EVI5: variants seen among roughly 807,000 people sequenced by gnomAD.
The protein encoded by EVI5 is ecotropic viral integration site 5 protein homolog.
Under a neutral mutation model 112.0 loss-of-function variants are expected in EVI5, and 73 were observed. The ratio of observed to expected loss-of-function variants is 0.65; its 90% CI spans 0.54 to 0.79. EVI5 has a LOEUF of 0.79. EVI5 is among the 30% of genes least tolerant of loss of function. EVI5 has a pLI of 0.00. For missense variants in EVI5, 900 were observed against 968.8 expected, an observed-to-expected ratio of 0.93 and a Z score of 0.94; for synonymous variants, 305 against 319.9, an observed-to-expected ratio of 0.95 and a Z score of 0.50.
intron 14 of EVI5, among the ~76,000 whole-genome samples, chr1:92,633,788 C>A (rs879198307): frequency 1.3e-5 from 2 of 152,182 alleles, no homozygotes; most frequent in Non-Finnish European, 2.9e-5. Context: ...ATGGTCTTTA[C>A]AATTTGGCAT....
chr1:92,755,320 A>G (rs1680791003), intron 1 of EVI5, among the ~76,000 whole-genome samples: 1 of 152,152 alleles, frequency 6.6e-6, no homozygotes, highest in African/African-American at 2.4e-5. Flanking sequence ...CTGAAGCAGG[A>G]GAATCACTTG....
rs374419302 is a variant in EVI5, at chr1:92,692,935, T to G, written c.1097+867A>C. Reference sequence around the variant, plus strand: ...AATTAAGTACTGGAAGCTAGAGAAATCACAGCTATTATTTTAATTAATACA... The same window carrying G: ...AATTAAGTACTGGAAGCTAGAGAAAGCACAGCTATTATTTTAATTAATACA... On this transcript the variant is annotated intron_variant, in intron 9 of 19. Transcript: ENST00000684568. Among the ~76,000 whole-genome samples the G allele has an allele frequency of 3.7e-4, 56 of 152,286 alleles. No homozygotes were observed. The South Asian group carries it at 0.011, about 30-fold the overall frequency.
In EVI5 at chr1:92,520,076, C is replaced by A. The variant is rs184864744; in HGVS notation, c.2167-6106G>T. 2.6e-3 allele frequency among the ~76,000 whole-genome samples: 389 copies of A among 152,098 alleles called. 1 individual carries two copies. The highest frequency in any genetic ancestry group is 9.2e-3 in the African/African-American group (380 of 41,510). On this transcript the variant is annotated intron_variant, in intron 19 of 19. Transcript: ENST00000684568. ...AAGGGGGTGATCGCAAATAGGCATG[C>A]AGTTTCTTTTGGGGTGTTCTAAAAG...
At chr1:92,642,230 GTGTAAC>G (rs1413124050) in intron 13 of EVI5, among the ~76,000 whole-genome samples, 1 of 152,120 alleles carries the variant, frequency 6.6e-6, no homozygotes, top group Non-Finnish European at 1.5e-5. Context: ...CTGGTTATTT[GTGTAAC>G]TGTAAGATTT....
At chr1:92,667,805 G>A (rs932032371) in intron 10 of EVI5, among the ~76,000 whole-genome samples, 1 of 152,130 alleles carries the variant, frequency 6.6e-6, no homozygotes, top group South Asian at 2.1e-4. Flanking sequence ...TTAGTAGAGA[G>A]GGGGTTTCAC....
intron 13 of EVI5, among the ~76,000 whole-genome samples, chr1:92,641,854 G>C (rs1017358986): frequency 6.6e-6 from 1 of 152,110 alleles, no homozygotes; most frequent in Non-Finnish European, 1.5e-5. Flanking sequence ...AATAGGCCGG[G>C]AGCGGTGGTG....
At chr1:92,572,852 A>T (rs956228711) in intron 18 of EVI5, among the ~76,000 whole-genome samples, 25 of 152,084 alleles carry the variant, frequency 1.6e-4, no homozygotes, top group African/African-American at 5.3e-4. Flanking sequence ...TCTGTTAGCC[A>T]TTTTAATATA....
At chr1:92,678,393 C>T (rs1454049143) in intron 9 of EVI5, among the ~76,000 whole-genome samples, 2 of 151,742 alleles carry the variant, frequency 1.3e-5, no homozygotes, top group Non-Finnish European at 2.9e-5. Context: ...TAGCCAGGTG[C>T]GGTGGGTGCA....
intron 1 of EVI5, among the ~76,000 whole-genome samples, chr1:92,739,134 ATGGT>A (rs1378397700): frequency 1.3e-5 from 2 of 151,856 alleles, no homozygotes; most frequent in Admixed American, 1.3e-4. Context: ...TTAGCTGGGC[ATGGT>A]GGCGGGCGCC....
chr1:92,604,911 A>G (rs1276169817), intron 18 of EVI5, among the ~76,000 whole-genome samples: 1 of 152,170 alleles, frequency 6.6e-6, no homozygotes, highest in Non-Finnish European at 1.5e-5. Flanking sequence ...ATATGACTGT[A>G]TTGTATGATC....
chr1:92,736,751 GT>G, intron 1 of EVI5, 124 bp from the exon 2 acceptor site: 1 of 710,100 alleles, frequency 1.4e-6, no homozygotes, highest in Admixed American at 2.4e-5. Flanking sequence ...GGAAGTAAAG[GT>G]AAAACCTGTT....
At chr1:92,741,735 T>A (rs1678441325) in intron 1 of EVI5, among the ~76,000 whole-genome samples, 1 of 152,184 alleles carries the variant, frequency 6.6e-6, no homozygotes, top group African/African-American at 2.4e-5. Context: ...CTCATTTTAG[T>A]GCTCATTCAT....
chr1:92,631,939 T>C (rs1170915129), intron 14 of EVI5, among the ~76,000 whole-genome samples: 5 of 152,178 alleles, frequency 3.3e-5, no homozygotes, highest in African/African-American at 4.8e-5. Flanking sequence ...TTGAGATAAT[T>C]ATGTGGTTTC....
intron 1 of EVI5, among the ~76,000 whole-genome samples, chr1:92,779,257 T>C (rs904444057): frequency 1.3e-5 from 2 of 152,150 alleles, no homozygotes; most frequent in African/African-American, 4.8e-5. Flanking sequence ...GTGCAGTGCC[T>C]CACAGCTGTA....
chr1:92,770,877 C>G (rs1683325764), intron 1 of EVI5, among the ~76,000 whole-genome samples: 1 of 151,468 alleles, frequency 6.6e-6, no homozygotes, highest in Admixed American at 6.6e-5. Flanking sequence ...ATGTAATGGC[C>G]CGATCCCGGT....
At chr1:92,535,561 T>C (rs1571369932) in intron 19 of EVI5, among the ~76,000 whole-genome samples, 1 of 152,122 alleles carries the variant, frequency 6.6e-6, no homozygotes, top group African/African-American at 2.4e-5. Flanking sequence ...ATATACACCA[T>C]GGAATACCTT....
chr1:92,618,550 T>C (rs1354310009), intron 16 of EVI5, among the ~76,000 whole-genome samples: 1 of 152,120 alleles, frequency 6.6e-6, no homozygotes, highest in Admixed American at 6.5e-5. Context: ...CATCTTAGTA[T>C]TACCATGCCC....
chr1:92,582,853 G>C (rs909344347), intron 18 of EVI5, among the ~76,000 whole-genome samples: 8 of 152,044 alleles, frequency 5.3e-5, no homozygotes, highest in Non-Finnish European at 7.4e-5. Context: ...AATAAAAAGT[G>C]AACTCATATC....
At chr1:92,633,430 CCTT>C (rs869245087) in intron 14 of EVI5, among the ~76,000 whole-genome samples, 1 of 152,122 alleles carries the variant, frequency 6.6e-6, no homozygotes, top group East Asian at 1.9e-4. Flanking sequence ...TATGTAATGG[CCTT>C]CTTTGTCTCT....
Sources: gnomAD v4.1 joint callset for allele counts (sites outside exome capture counted in the v4.1 genomes callset) on GRCh38, gnomAD v4.1.1 for gene constraint, MANE v1.5 for transcripts, NCBI Gene and HGNC (gene_info 2026-07-23, HGNC 2026-07-21) for gene names.